PBX1: variants seen among roughly 807,000 people sequenced by gnomAD.
The protein encoded by PBX1 is pre-B-cell leukemia transcription factor 1.
PBX1 carries 6 observed loss-of-function variants against 53.4 expected under a neutral mutation model. The ratio of observed to expected loss-of-function variants is 0.11; its 90% CI spans 0.06 to 0.22. PBX1 has a LOEUF of 0.22. PBX1 is among the 10% of genes least tolerant of loss of function. The pLI is 1.00. For synonymous variants in PBX1, 204 were observed against 212.3 expected (o/e 0.96, Z 0.34); for missense variants, 251 against 551.4 (o/e 0.46, Z 5.46).
intron 2 of PBX1, among the ~76,000 whole-genome samples, chr1:164,700,083 T>G (rs1399974697): frequency 6.6e-6 from 1 of 152,142 alleles, no homozygotes; most frequent in Non-Finnish European, 1.5e-5. Flanking sequence ...TTTCGCAACA[T>G]GCCGGAACAG....
At chr1:164,881,917 A>G (rs1357791608) in intron 2 of PBX1, among the ~76,000 whole-genome samples, 1 of 152,180 alleles carries the variant, frequency 6.6e-6, no homozygotes, top group Non-Finnish European at 1.5e-5. Flanking sequence ...ACTTGCACCT[A>G]CACTACCTTT....
intron 8 of PBX1, among the ~76,000 whole-genome samples, chr1:164,830,731 G>C (rs977236003): frequency 8.6e-5 from 13 of 152,036 alleles, no homozygotes; most frequent in African/African-American, 3.1e-4. Context: ...AGTCTCCCAG[G>C]TGACCTAAGC....
intron 2 of PBX1, among the ~76,000 whole-genome samples, chr1:164,604,056 T>TCAGCCTCC (rs950061183): frequency 6.1e-5 from 9 of 146,656 alleles, no homozygotes; most frequent in South Asian, 2.3e-4. Flanking sequence ...TTCTCCTGCC[T>TCAGCCTCC]CAGCCTCCCA....
At chr1:164,800,093 A>C (rs147373950) in intron 4 of PBX1, among the ~76,000 whole-genome samples, 1 of 152,308 alleles carries the variant, frequency 6.6e-6, no homozygotes, top group East Asian at 1.9e-4. Flanking sequence ...GATGATCTTT[A>C]TCACTACTGT....
chr1:164,855,652 C>T (rs1011076046), downstream of PBX1, among the ~76,000 whole-genome samples: 1 of 152,152 alleles, frequency 6.6e-6, no homozygotes, highest in African/African-American at 2.4e-5. Context: ...GATTTGAAAA[C>T]TTGGTGAGGA....
chr1:164,610,884 G>A (rs1656878107), intron 2 of PBX1, among the ~76,000 whole-genome samples: 1 of 152,232 alleles, frequency 6.6e-6, no homozygotes, highest in Non-Finnish European at 1.5e-5. Flanking sequence ...TTGACCAGCA[G>A]AATGAATTCT....
intron 2 of PBX1, among the ~76,000 whole-genome samples, chr1:164,586,629 G>C (rs1326784108): frequency 2.6e-5 from 4 of 152,138 alleles, no homozygotes; most frequent in African/African-American, 9.7e-5. Flanking sequence ...AAATTATAAA[G>C]CACCATGTAA....
chr1:164,598,130 AGT>A (rs1339311255), intron 2 of PBX1, among the ~76,000 whole-genome samples: 1 of 152,162 alleles, frequency 6.6e-6, no homozygotes, highest in East Asian at 1.9e-4. Context: ...CAATTCCCAC[AGT>A]AACAAACCCA....
intron 8 of PBX1, chr1:164,829,304 T>C (rs1670635068): frequency 6.6e-6 from 1 of 152,248 alleles, no homozygotes; most frequent in Non-Finnish European, 1.5e-5. Flanking sequence ...ATATATGAAT[T>C]GCTTATAAGC....
Position 164,820,098 on chromosome 1 carries a change from A to G in PBX1, c.1024A>G (p.Asn342Asp), listed in dbSNP as rs1161353651. 3 of 1,612,706 alleles carry G rather than the reference A, an allele frequency of 1.9e-6. No individual in the cohort carries two copies. The highest frequency in any genetic ancestry group is 2.2e-5 in the East Asian group (1 of 44,850). The change falls in exon 7 of 9, where the codon AAC (asparagine) becomes GAC (aspartate). Residue 342 changes from asparagine (N) to aspartate (D), a missense_variant. By Grantham distance (23) the Asn-to-Asp change is conservative. Around this residue, in one of 4 missense-constraint regions of PBX1, gnomAD observed 92 missense variants for 130.4 expected, o/e 0.71. Transcript: ENST00000420696. ...TTCTTCCAGTTCTTTTAACATGTCAAACTCTGGAGATTTGTTCATGAGCGT... is the reference window on the plus strand; with the variant it reads ...TTCTTCCAGTTCTTTTAACATGTCAGACTCTGGAGATTTGTTCATGAGCGT... ...AGSSSSFNMSNSGDLFMSVQS... is the reference protein window; with the variant it reads ...AGSSSSFNMSDSGDLFMSVQS...
intron 6 of PBX1, chr1:164,817,573 T>A (rs1271958155): frequency 2.0e-5 from 3 of 152,246 alleles, no homozygotes; most frequent in African/African-American, 7.2e-5. Flanking sequence ...TTTCTTCAAT[T>A]ACTGCTCTGA....
At chr1:164,800,204 G>A (rs1669002763) in intron 4 of PBX1, among the ~76,000 whole-genome samples, 1 of 152,072 alleles carries the variant, frequency 6.6e-6, no homozygotes, top group South Asian at 2.1e-4. Context: ...TATAACTATG[G>A]GCCTGCAGCT....
At chr1:164,833,764 G>GT (rs1231692115) in intron 8 of PBX1, among the ~76,000 whole-genome samples, 4 of 151,886 alleles carry the variant, frequency 2.6e-5, no homozygotes, top group African/African-American at 9.7e-5. Context: ...TTGTGTGTAT[G>GT]TTTTTTTAAC....
chr1:164,811,473 G>C (rs1243584888), intron 5 of PBX1, among the ~76,000 whole-genome samples: 1 of 152,112 alleles, frequency 6.6e-6, no homozygotes, highest in Non-Finnish European at 1.5e-5. Context: ...TGATCCTAAG[G>C]TCTATAGTGA....
intron 8 of PBX1, among the ~76,000 whole-genome samples, chr1:164,840,189 G>C (rs1378947344): frequency 1.3e-5 from 2 of 152,168 alleles, no homozygotes; most frequent in African/African-American, 4.8e-5. Flanking sequence ...AGACACTGAT[G>C]CAAAATGTCC....
At chr1:164,640,556 G>GTTTTTTTTT (rs1272033438) in intron 2 of PBX1, among the ~76,000 whole-genome samples, 3 of 30,676 alleles carry the variant, frequency 9.8e-5, no homozygotes, top group Non-Finnish European at 2.2e-4. Context: ...TTTTTTTTTT[G>GTTTTTTTTT]TGTTTTTTTT....
chr1:164,738,291 C>T (rs770701425), intron 2 of PBX1, among the ~76,000 whole-genome samples: 4 of 152,028 alleles, frequency 2.6e-5, no homozygotes, highest in African/African-American at 7.3e-5. Context: ...CCAAGTCATA[C>T]GGTAACTCTC....
At chr1:164,627,914 A>G (rs987977393) in intron 2 of PBX1, among the ~76,000 whole-genome samples, 1 of 152,170 alleles carries the variant, frequency 6.6e-6, no homozygotes, top group Non-Finnish European at 1.5e-5. Context: ...GTTCTCTGCT[A>G]TGACCGTATA....
chr1:164,674,180 C>T (rs1661290028), intron 2 of PBX1, among the ~76,000 whole-genome samples: 1 of 152,154 alleles, frequency 6.6e-6, no homozygotes, highest in South Asian at 2.1e-4. Flanking sequence ...GTTGAGTCTT[C>T]CTACTCTTTT....
Sources: allele counts gnomAD v4.1 joint callset (sites outside exome capture counted in the v4.1 genomes callset), GRCh38; gene constraint gnomAD v4.1.1; regional missense constraint gnomAD v4.1.1; transcripts MANE v1.5; gene names NCBI Gene and HGNC (gene_info 2026-07-23, HGNC 2026-07-21).